SLC7A6: variants seen among roughly 807,000 people sequenced by gnomAD.
SLC7A6 encodes Y+L amino acid transporter 2.
Under a neutral mutation model 46.6 loss-of-function variants are expected in SLC7A6, and 29 were observed. The observed-to-expected ratio is 0.62, with a 90% CI of 0.46 to 0.85. The LOEUF (loss-of-function observed/expected upper bound fraction) is 0.85, where lower values mean the gene tolerates loss of function less well. Ranked by LOEUF, SLC7A6 falls within the 40% of genes least tolerant of loss-of-function variation. The probability of loss-of-function intolerance (pLI) is 0.00; values close to 1 mark genes in which losing one functional copy is unlikely to be tolerated. For missense variants in SLC7A6, 527 were observed against 647.6 expected, an observed-to-expected ratio of 0.81 and a Z score of 2.02; for synonymous variants, 276 against 257.3, an observed-to-expected ratio of 1.07 and a Z score of -0.70.
rs921232790 is a variant in SLC7A6, at chr16:68,266,724, G to C, written c.-37+3G>C. 1 of 151,990 alleles carries C rather than the reference G, an allele frequency of 6.6e-6. No homozygotes were observed. The highest frequency in any genetic ancestry group is 6.6e-5 in the Admixed American group (1 of 15,256). 9.4% of individuals were successfully genotyped at this position (151,990 alleles called of 1,614,324 possible). On this transcript the variant is annotated splice_donor_region_variant and intron_variant, in intron 2 of 10. Transcript: ENST00000219343. ...GATGTTCGCGTATTTCTTGACAGGT[G>C]AATATTGTTGCGCTGTCTTTTCTTT...
At chr16:68,265,964 T>TA (rs1446660589) in intron 1 of SLC7A6, among the ~76,000 whole-genome samples, 1 of 152,136 alleles carries the variant, frequency 6.6e-6, no homozygotes, top group Non-Finnish European at 1.5e-5. Flanking sequence ...TATTAGTTTC[T>TA]AAAAAAGTTA....
rs561005216 is a variant in SLC7A6 at position 68,266,580 on chromosome 16, C to T, written c.-165-13C>T. On this transcript the variant is annotated splice_polypyrimidine_tract_variant and intron_variant, in intron 1 of 10. Coordinates refer to ENST00000219343, the MANE Select transcript of SLC7A6 (RefSeq NM_003983.6). ...TCATTTTTTGATCAGTTCCCTCCCA[C>T]TCTTTGTTGCAGAGTTTATGTGGCC... 23 of 152,276 alleles carry T rather than the reference C, an allele frequency of 1.5e-4. No individual in the cohort carries two copies. Among genetic ancestry groups the T allele is most frequent in the African/African-American group, 5.5e-4 (23 of 41,576 alleles). 9.4% of individuals were successfully genotyped at this position (152,276 alleles called of 1,614,324 possible). A position where few individuals can be genotyped will look rare whatever the true frequency, so the allele number is the denominator to read the frequency against.
rs71384525 is a variant in SLC7A6, at chr16:68,284,859, C to CTTTTTTTTTTTTT, written c.524-2881_524-2869dup. 3.7e-4 allele frequency among the ~76,000 whole-genome samples: 35 copies of CTTTTTTTTTTTTT among 95,598 alleles called. 4 individuals are homozygous for CTTTTTTTTTTTTT. Among genetic ancestry groups the CTTTTTTTTTTTTT allele is most frequent in the Admixed American group, 1.3e-3 (9 of 6,930 alleles). 62.7% of individuals were successfully genotyped at this position (95,598 alleles called of 152,430 possible). A position where few individuals can be genotyped will look rare whatever the true frequency, so the allele number is the denominator to read the frequency against. On this transcript the variant is annotated intron_variant, in intron 3 of 10. Coordinates refer to ENST00000219343, the MANE Select transcript of SLC7A6 (RefSeq NM_003983.6). ...CTGTCTCTTCTGTGTATTTTCTCGT[C>CTTTTTTTTTTTTT]TTTTTTTTTTTTTTTTTTAGAGACA...
chr16:68,265,155 T>C (rs1394639684), intron 1 of SLC7A6, among the ~76,000 whole-genome samples: 2 of 152,182 alleles, frequency 1.3e-5, no homozygotes, highest in Admixed American at 1.3e-4. Context: ...GTCCTTTTAC[T>C]TTAGAGAATG....
intron 2 of SLC7A6, among the ~76,000 whole-genome samples, chr16:68,267,824 G>A (rs72790400): frequency 0.015 from 2,353 of 152,266 alleles, 28 homozygotes; most frequent in Non-Finnish European, 0.024. Flanking sequence ...CCCAACCTCC[G>A]GGGAGGGGAG....
chr16:68,287,919 TGAG>T (rs2042971836), intron 4 of SLC7A6, 48 bp downstream of exon 4: 4 of 1,600,858 alleles, frequency 2.5e-6, no homozygotes, highest in Non-Finnish European at 3.4e-6. Flanking sequence ...CTGGATTCCC[TGAG>T]GAGAACATGG....
At chr16:68,293,695 G>C (rs190202510) in intron 7 of SLC7A6, among the ~76,000 whole-genome samples, 111 of 152,266 alleles carry the variant, frequency 7.3e-4, no homozygotes, top group African/African-American at 2.7e-3. Context: ...AACCTCCAAA[G>C]AGGCCACGCT....
At chr16:68,295,390 ACAGGGCCAGCAT>A (rs1437793067) in intron 8 of SLC7A6, among the ~76,000 whole-genome samples, 2 of 152,178 alleles carry the variant, frequency 1.3e-5, no homozygotes, top group Admixed American at 1.3e-4. Flanking sequence ...TGATATTTTG[ACAGGGCCAGCAT>A]TGAATTTATA....
Position 68,300,842 on chromosome 16 carries a change from T to A in SLC7A6, c.*3514T>A. On this transcript the variant is annotated 3_prime_UTR_variant, in exon 11 of 11. Transcript: ENST00000219343. ...ACAAGGGACCCACTGGTACCCCTTT[T>A]AGATTCTATCAAAAGGAACAGGGTT... is the stretch of plus-strand genomic sequence containing the variant. 2 of 987,306 alleles carry A rather than the reference T, an allele frequency of 2.0e-6. No homozygotes were observed. Among genetic ancestry groups the A allele is most frequent in the Non-Finnish European group, 1.2e-6 (1 of 831,294 alleles). The allele number at this position is 987,306 out of a possible 1,614,324, so 61.2% of individuals were successfully genotyped here.
At chr16:68,279,971 T>C (rs954793860) in intron 3 of SLC7A6, among the ~76,000 whole-genome samples, 2 of 152,222 alleles carry the variant, frequency 1.3e-5, no homozygotes, top group Non-Finnish European at 2.9e-5. Flanking sequence ...CTTGTCATAG[T>C]AGTGGCCAAG....
rs2043277547 is a variant in SLC7A6 at position 68,301,606 on chromosome 16, T to C, written c.*4278T>C. On this transcript the variant is annotated 3_prime_UTR_variant, in exon 11 of 11. Transcript: ENST00000219343. ...TCATCTAAACCAAGTTCCTTCACAC[T>C]GGAGTATTTTGTCACTTCTCCCCTC... 3 of 421,830 alleles carry C rather than the reference T, an allele frequency of 7.1e-6. No individual in the cohort carries two copies. The East Asian group carries it at 1.2e-4, about 17-fold the overall frequency. 26.1% of individuals were successfully genotyped at this position (421,830 alleles called of 1,614,324 possible). A position where few individuals can be genotyped will look rare whatever the true frequency, so the allele number is the denominator to read the frequency against.
intron 8 of SLC7A6, among the ~76,000 whole-genome samples, chr16:68,295,265 C>A (rs999902154): frequency 6.6e-6 from 1 of 152,136 alleles, no homozygotes; most frequent in African/African-American, 2.4e-5. Context: ...AAAGAGGGAC[C>A]AAGGGTACTT....
At chr16:68,292,986 T>C (rs2043087999) in intron 7 of SLC7A6, among the ~76,000 whole-genome samples, 2 of 152,218 alleles carry the variant, frequency 1.3e-5, no homozygotes, top group Non-Finnish European at 2.9e-5. Context: ...ATATTTGCCA[T>C]GTGAACACAC....
intron 2 of SLC7A6, among the ~76,000 whole-genome samples, chr16:68,267,166 C>T (rs1210348298): frequency 6.8e-6 from 1 of 147,830 alleles, no homozygotes; most frequent in Non-Finnish European, 1.5e-5. Flanking sequence ...AACTCCTGAG[C>T]TCAGGCAATC....
chr16:68,292,450 C>T (rs2043076710), intron 7 of SLC7A6: 1 of 152,230 alleles, frequency 6.6e-6, no homozygotes, highest in Admixed American at 6.5e-5. Context: ...AGCTTCTCTC[C>T]TCTCCACTTA....
At chr16:68,270,755 A>G (rs907262461) in intron 2 of SLC7A6, among the ~76,000 whole-genome samples, 10 of 152,120 alleles carry the variant, frequency 6.6e-5, no homozygotes, top group African/African-American at 2.2e-4. Context: ...CTGTAACTTC[A>G]GCTTTCTGAT....
Position 68,297,467 on chromosome 16 carries a change from A to G in SLC7A6, c.*139A>G, listed in dbSNP as rs760937390. 1 of 605,966 alleles carries G rather than the reference A, an allele frequency of 1.7e-6. No individual in the cohort carries two copies. The highest frequency in any genetic ancestry group is 2.8e-6 in the Non-Finnish European group (1 of 363,068). 37.5% of individuals were successfully genotyped at this position (605,966 alleles called of 1,614,324 possible). A position where few individuals can be genotyped will look rare whatever the true frequency, so the allele number is the denominator to read the frequency against. On this transcript the variant is annotated 3_prime_UTR_variant, in exon 11 of 11. Coordinates refer to ENST00000219343, the MANE Select transcript of SLC7A6 (RefSeq NM_003983.6). ...ATAGTGGGGCTCAGGGCCAGTGCTC[A>G]CTCTTATTGGTAAGCTATAGGAGAC...
chr16:68,278,097 T>C (rs2042749552), intron 3 of SLC7A6, among the ~76,000 whole-genome samples: 2 of 151,812 alleles, frequency 1.3e-5, no homozygotes, highest in Non-Finnish European at 2.9e-5. Context: ...GCTGGGAATA[T>C]AGGTGCGCAC....
At chr16:68,290,860 C>T in intron 5 of SLC7A6, 1 of 479,048 alleles carries the variant, frequency 2.1e-6, no homozygotes, top group Non-Finnish European at 3.8e-6. Context: ...GCCCGCAGAA[C>T]CAAAACTTAT....
Sources: gnomAD v4.1 joint callset for allele counts (sites outside exome capture counted in the v4.1 genomes callset) on GRCh38, gnomAD v4.1.1 for gene constraint, MANE v1.5 for transcripts, NCBI Gene and HGNC (gene_info 2026-07-23, HGNC 2026-07-21) for gene names.